Variants in RIT2 observed in about 807,000 individuals in gnomAD.
RIT2 encodes the protein Ras like without CAAX 2, also known as GTP-binding protein Rit2.
RIT2 carries 24 observed loss-of-function variants against 23.7 expected under a neutral mutation model. The observed-to-expected ratio is 1.01, with a 90% CI of 0.73 to 1.43. RIT2 has a LOEUF of 1.43. RIT2 is among the 40% of genes most tolerant of loss of function. RIT2 has a pLI of 0.00. For missense variants in RIT2, 236 were observed against 266.9 expected (o/e 0.88, Z 0.81); for synonymous variants, 107 against 91.1 (o/e 1.17, Z -0.99).
chr18:42,989,617 A>G (rs1910792592), intron 2 of RIT2, among the ~76,000 whole-genome samples: 2 of 152,170 alleles, frequency 1.3e-5, no homozygotes, highest in Non-Finnish European at 2.9e-5. Flanking sequence ...AGAACGTGTC[A>G]ATTTGGACTA....
chr18:42,931,941 C>T (rs1044438269), intron 3 of RIT2, among the ~76,000 whole-genome samples: 3 of 152,092 alleles, frequency 2.0e-5, no homozygotes, highest in African/African-American at 7.2e-5. Flanking sequence ...CACACACATA[C>T]CCACACGTGC....
chr18:43,024,295 A>G (rs1911660367), intron 2 of RIT2, among the ~76,000 whole-genome samples: 2 of 152,126 alleles, frequency 1.3e-5, no homozygotes, highest in East Asian at 3.9e-4. Context: ...CAAGGAAAAC[A>G]TACACTGGAG....
At position 42,838,255 on chromosome 18, in the gene RIT2, G is replaced by A. The variant is rs374663501; in HGVS notation, c.426+85317C>T. Among the ~76,000 whole-genome samples the A allele has an allele frequency of 1.1e-3, 160 of 151,708 alleles. 3 individuals are homozygous for A. In the South Asian group the frequency reaches 0.032, roughly 30 times the overall value. ...TAGGATTTATGTGAAGTTCTTCTCC[G>A]CAAGAAAGAGTAAGGTTTCAAGAAA... On this transcript the variant is annotated intron_variant, in intron 4 of 4. Coordinates refer to ENST00000326695, the MANE Select transcript of RIT2 (RefSeq NM_002930.4).
intron 4 of RIT2, among the ~76,000 whole-genome samples, chr18:42,853,826 T>C (rs1226484185): frequency 6.6e-6 from 1 of 152,216 alleles, no homozygotes; most frequent in African/African-American, 2.4e-5. Flanking sequence ...CTCTGACCTG[T>C]GTCAAACCTA....
At chr18:43,055,135 G>A (rs530810207) in intron 1 of RIT2, among the ~76,000 whole-genome samples, 120 of 152,202 alleles carry the variant, frequency 7.9e-4, no homozygotes, top group African/African-American at 2.8e-3. Context: ...ATAGAATAAG[G>A]TTAAGGCCCT....
intron 2 of RIT2, among the ~76,000 whole-genome samples, chr18:42,978,885 AAC>A (rs1910532541): frequency 6.6e-6 from 1 of 152,140 alleles, no homozygotes; most frequent in Admixed American, 6.6e-5. Context: ...CGATAATAGT[AAC>A]ACTAGTCAAC....
intron 3 of RIT2, among the ~76,000 whole-genome samples, chr18:42,956,941 C>T (rs994787645): frequency 6.6e-6 from 1 of 152,084 alleles, no homozygotes; most frequent in African/African-American, 2.4e-5. Flanking sequence ...TGTTGTAATA[C>T]AGGGAAGCCA....
At chr18:42,819,625 C>A (rs1020075667) in intron 4 of RIT2, among the ~76,000 whole-genome samples, 10 of 152,038 alleles carry the variant, frequency 6.6e-5, no homozygotes, top group African/African-American at 2.4e-4. Flanking sequence ...ATGTTATCCC[C>A]AGTTCTTAAA....
At chr18:43,008,149 G>A (rs1166318318) in intron 2 of RIT2, among the ~76,000 whole-genome samples, 2 of 151,504 alleles carry the variant, frequency 1.3e-5, no homozygotes, top group Non-Finnish European at 3.0e-5. Flanking sequence ...GCAGATTAAT[G>A]CATTAAACTA....
chr18:42,746,212 G>A (rs1306788657), intron 4 of RIT2, among the ~76,000 whole-genome samples: 1 of 152,094 alleles, frequency 6.6e-6, no homozygotes, highest in Non-Finnish European at 1.5e-5. Flanking sequence ...GAAACCTAAA[G>A]TCAATGAGGC....
At chr18:42,939,513 G>A (rs2144156177) in intron 3 of RIT2, among the ~76,000 whole-genome samples, 1 of 152,132 alleles carries the variant, frequency 6.6e-6, no homozygotes, top group Middle Eastern at 3.4e-3. Flanking sequence ...CTACAAATAA[G>A]CCTAAAGCCA....
chr18:42,764,982 T>A (rs117222344), intron 4 of RIT2, among the ~76,000 whole-genome samples: 4,577 of 152,326 alleles, frequency 0.03, 100 homozygotes, highest in Middle Eastern at 0.051. Flanking sequence ...ATTGAAGCCT[T>A]CATGTTTAGG....
chr18:43,056,036 A>G (rs1238000317), intron 1 of RIT2, among the ~76,000 whole-genome samples: 1 of 152,076 alleles, frequency 6.6e-6, no homozygotes, highest in Non-Finnish European at 1.5e-5. Context: ...TGTGTGGATA[A>G]TCTACATGAG....
chr18:42,882,553 T>G lies in RIT2; in HGVS notation c.426+41019A>C, dbSNP rs140099282. 5.7e-3 allele frequency among the ~76,000 whole-genome samples: 864 copies of G among 152,286 alleles called. 7 individuals are homozygous for G. The highest frequency in any genetic ancestry group is 0.019 in the African/African-American group (799 of 41,550). ...CTACTGGTTAGCTGGTGAAAATGACTGGGTAATTCAGTCAAAAGAGGTGAA... is the reference window on the plus strand; with the variant it reads ...CTACTGGTTAGCTGGTGAAAATGACGGGGTAATTCAGTCAAAAGAGGTGAA... On this transcript the variant is annotated intron_variant, in intron 4 of 4. Transcript: ENST00000326695.
chr18:42,995,682 G>A (rs1910965738), intron 2 of RIT2, among the ~76,000 whole-genome samples: 1 of 152,120 alleles, frequency 6.6e-6, no homozygotes, highest in African/African-American at 2.4e-5. Flanking sequence ...AAAAGGACTG[G>A]ACAATACTTT....
intron 2 of RIT2, among the ~76,000 whole-genome samples, chr18:42,995,385 G>C (rs903171446): frequency 2.0e-5 from 3 of 152,040 alleles, no homozygotes; most frequent in African/African-American, 4.8e-5. Context: ...TCTTAGTCCA[G>C]GTAGACACTT....
At chr18:42,812,697 A>T (rs557131569) in intron 4 of RIT2, among the ~76,000 whole-genome samples, 5 of 152,280 alleles carry the variant, frequency 3.3e-5, no homozygotes, top group Non-Finnish European at 7.4e-5. Context: ...AAAAGGGGAA[A>T]GAAAGGAAGA....
intron 3 of RIT2, among the ~76,000 whole-genome samples, chr18:42,959,743 G>C (rs925657934): frequency 1.3e-5 from 2 of 152,192 alleles, no homozygotes; most frequent in Admixed American, 6.5e-5. Context: ...ATGAACCATT[G>C]CTTAGAGGCT....
At chr18:43,022,744 T>C (rs1032172991) in intron 2 of RIT2, among the ~76,000 whole-genome samples, 1 of 152,054 alleles carries the variant, frequency 6.6e-6, no homozygotes. Flanking sequence ...AATAATGTCC[T>C]GAACATATTA....
Sources: allele counts gnomAD v4.1 joint callset (sites outside exome capture counted in the v4.1 genomes callset), GRCh38; gene constraint gnomAD v4.1.1; transcripts MANE v1.5; gene names NCBI Gene and HGNC (gene_info 2026-07-23, HGNC 2026-07-21).